Variants in LPIN2 observed in about 807,000 individuals in gnomAD.
LPIN2 encodes the protein lipin 2.
LPIN2 carries 55 observed loss-of-function variants against 111.4 expected under a neutral mutation model. The ratio of observed to expected loss-of-function variants is 0.49; its 90% CI spans 0.40 to 0.62. The LOEUF is 0.62. Among genes scored for constraint, LPIN2 ranks in the 20% least tolerant of loss-of-function variants. The pLI, the probability that LPIN2 is intolerant of heterozygous loss-of-function variation, is 0.00. For missense variants in LPIN2, 992 were observed against 1,112.1 expected (o/e 0.89, Z 1.54); for synonymous variants, 425 against 414.0 (o/e 1.03, Z -0.32).
intron 17 of LPIN2, 90 bp downstream of exon 17, chr18:2,921,957 G>T: frequency 6.7e-7 from 1 of 1,485,492 alleles, no homozygotes; most frequent in South Asian, 1.3e-5. Context: ...TCCAACATCT[G>T]ACTTCTGTTC....
chr18:3,009,735 C>G (rs1375745135), intron 1 of LPIN2, among the ~76,000 whole-genome samples: 5 of 152,308 alleles, frequency 3.3e-5, no homozygotes, highest in Non-Finnish European at 7.3e-5. Context: ...ACCACCGCAC[C>G]CAGCCTTCTT....
At chr18:3,011,674 G>C (rs1439543511) in intron 1 of LPIN2, 1 of 152,242 alleles carries the variant, frequency 6.6e-6, no homozygotes, top group Non-Finnish European at 1.5e-5. Flanking sequence ...GCGACAGAGT[G>C]AGACTCTGTC....
chr18:3,010,250 A>G, intron 1 of LPIN2, among the ~76,000 whole-genome samples: 1 of 110,634 alleles, frequency 9.0e-6, no homozygotes, highest in East Asian at 3.3e-4. Flanking sequence ...TCCAAAAATC[A>G]CAGTTAATTA....
intron 1 of LPIN2, among the ~76,000 whole-genome samples, chr18:2,976,707 A>T (rs1045739159): frequency 6.6e-6 from 1 of 152,118 alleles, no homozygotes; most frequent in African/African-American, 2.4e-5. Flanking sequence ...AAAACAGGGG[A>T]CTTACTTTAC....
chr18:2,939,261 G>C (rs541413734), intron 6 of LPIN2, among the ~76,000 whole-genome samples: 7 of 152,276 alleles, frequency 4.6e-5, no homozygotes, highest in African/African-American at 1.7e-4. Context: ...TCAGTAAATA[G>C]AAATATACAC....
intron 1 of LPIN2, among the ~76,000 whole-genome samples, chr18:2,981,704 T>C (rs1044258232): frequency 1.1e-4 from 17 of 152,200 alleles, no homozygotes; most frequent in Non-Finnish European, 2.1e-4. Context: ...ACTCTTCCAT[T>C]CATATTCAAA....
chr18:2,996,444 A>G (rs189650791), intron 1 of LPIN2, among the ~76,000 whole-genome samples: 3 of 148,312 alleles, frequency 2.0e-5, no homozygotes, highest in East Asian at 3.9e-4. Context: ...ATATGACTAC[A>G]TGCTTACCTC....
chr18:2,986,765 TGA>T (rs2143402156), intron 1 of LPIN2, among the ~76,000 whole-genome samples: 1 of 152,324 alleles, frequency 6.6e-6, no homozygotes, highest in African/African-American at 2.4e-5. Context: ...GAGACAATAC[TGA>T]GAGTTGCCTG....
chr18:2,956,279 G>A (rs1484333448), intron 2 of LPIN2, among the ~76,000 whole-genome samples: 1 of 144,394 alleles, frequency 6.9e-6, no homozygotes, highest in African/African-American at 2.7e-5. Context: ...AGGAACCCGT[G>A]TGCCCTCATG....
intron 1 of LPIN2, among the ~76,000 whole-genome samples, chr18:2,965,574 CA>C (rs532599358): frequency 1.5e-4 from 23 of 151,778 alleles, no homozygotes; most frequent in Non-Finnish European, 2.6e-4. Context: ...ACTAAAAATA[CA>C]AAAAAATTGG....
At chr18:2,948,465 A>T (rs2077487660) in intron 4 of LPIN2, 1 of 152,244 alleles carries the variant, frequency 6.6e-6, no homozygotes, top group South Asian at 2.1e-4. Flanking sequence ...TGATTCTTGT[A>T]CAATTTAGTA....
intron 1 of LPIN2, among the ~76,000 whole-genome samples, chr18:2,961,789 A>T (rs2077718159): frequency 6.6e-6 from 1 of 152,148 alleles, no homozygotes; most frequent in Non-Finnish European, 1.5e-5. Flanking sequence ...GCCAAAGCAC[A>T]ATTCAGTGAA....
At chr18:2,978,082 G>A (rs2078049307) in intron 1 of LPIN2, among the ~76,000 whole-genome samples, 2 of 152,108 alleles carry the variant, frequency 1.3e-5, no homozygotes, top group Non-Finnish European at 2.9e-5. Context: ...AGCTACTCAG[G>A]AGGCTGAGGC....
At chr18:3,003,266 C>T (rs1184764801) in intron 1 of LPIN2, among the ~76,000 whole-genome samples, 2 of 152,246 alleles carry the variant, frequency 1.3e-5, no homozygotes, top group South Asian at 2.1e-4. Flanking sequence ...ACTCCATTAG[C>T]GGGGAGCTCA....
chr18:2,937,898 A>G lies in LPIN2; in HGVS notation c.962T>C (p.Val321Ala). 1 of 1,614,116 alleles carries G rather than the reference A, an allele frequency of 6.2e-7. No homozygotes were observed. Among genetic ancestry groups the G allele is most frequent in the Non-Finnish European group, 8.5e-7 (1 of 1,180,000 alleles). ...GGGTTTGGGCTTCACTATGGTACAGACAGTGTCTTCCATGGAAGCATCCTT... is the reference window on the plus strand; with the variant it reads ...GGGTTTGGGCTTCACTATGGTACAGGCAGTGTCTTCCATGGAAGCATCCTT... ...VEKDASMEDT[V>A]CTIVKPKPRA... The change falls in exon 7 of 20, where the codon GTC becomes GCC. Residue 321 changes from valine (V) to alanine (A), a missense_variant. By Grantham distance (64) the Val-to-Ala change is moderately conservative. Around this residue, in one of 4 missense-constraint regions of LPIN2, gnomAD observed 709 missense variants for 753.2 expected, o/e 0.94. Transcript: ENST00000677752.
At chr18:2,946,245 C>T (rs1244388363) in intron 4 of LPIN2, 3 of 1,553,900 alleles carry the variant, frequency 1.9e-6, no homozygotes, top group Non-Finnish European at 1.8e-6. Context: ...GTCTTAGGGG[C>T]TTGAATGTGT....
chr18:3,000,302 TAGGG>T (rs1648603191), intron 1 of LPIN2, among the ~76,000 whole-genome samples: 1 of 151,936 alleles, frequency 6.6e-6, no homozygotes, highest in Non-Finnish European at 1.5e-5. Context: ...GAAAAAAAGG[TAGGG>T]AAAGGCAGGA....
At chr18:2,922,403 T>C (rs544535219) in intron 16 of LPIN2, among the ~76,000 whole-genome samples, 20 of 152,054 alleles carry the variant, frequency 1.3e-4, no homozygotes, top group Non-Finnish European at 2.1e-4. Context: ...GCCTCCCAAG[T>C]AGCTAGGATT....
intron 2 of LPIN2, 89 bp from the exon 3 acceptor site, chr18:2,954,688 T>G (rs548720680): frequency 1.1e-6 from 1 of 940,748 alleles, no homozygotes; most frequent in East Asian, 2.5e-5. Flanking sequence ...CAAGTCAAAC[T>G]TAGCATAGTT....
Sources: allele counts gnomAD v4.1 joint callset (sites outside exome capture counted in the v4.1 genomes callset), GRCh38; gene constraint gnomAD v4.1.1; regional missense constraint gnomAD v4.1.1; transcripts MANE v1.5; gene names NCBI Gene and HGNC (gene_info 2026-07-23, HGNC 2026-07-21).